CEP128: variants seen among roughly 807,000 people sequenced by gnomAD.
The protein encoded by CEP128 is centrosomal protein 128, also known as centrosomal protein 128kDa.
In CEP128, 132 loss-of-function variants were observed where a neutral mutation model predicts 156.7. The observed-to-expected ratio is 0.84, with a 90% CI of 0.73 to 0.97. The LOEUF (loss-of-function observed/expected upper bound fraction) is 0.97, where lower values mean the gene tolerates loss of function less well. Ranked by LOEUF, CEP128 falls within the 50% of genes least tolerant of loss-of-function variation. CEP128 has a pLI of 0.00. For synonymous variants in CEP128, 469 were observed against 448.9 expected (o/e 1.04, Z -0.57); for missense variants, 1,252 against 1,281.9 (o/e 0.98, Z 0.36).
chr14:80,593,523 G>A (rs1471592077), intron 19 of CEP128, among the ~76,000 whole-genome samples: 1 of 147,772 alleles, frequency 6.8e-6, no homozygotes, highest in African/African-American at 2.5e-5. Flanking sequence ...CTCCAGCCTG[G>A]GTGACAGAGC....
At chr14:80,954,319 T>G (rs1455228091) in intron 2 of CEP128, among the ~76,000 whole-genome samples, 1 of 152,148 alleles carries the variant, frequency 6.6e-6, no homozygotes, top group African/African-American at 2.4e-5. Context: ...TATCAGCAGT[T>G]CATTCATTTT....
intron 15 of CEP128, among the ~76,000 whole-genome samples, chr14:80,780,816 A>G (rs967361743): frequency 6.6e-6 from 1 of 152,224 alleles, no homozygotes; most frequent in African/African-American, 2.4e-5. Context: ...TATGTCTGGA[A>G]CATTATGCTA....
chr14:80,865,675 C>T (rs1461652955), intron 8 of CEP128, among the ~76,000 whole-genome samples: 3 of 152,120 alleles, frequency 2.0e-5, no homozygotes, highest in Non-Finnish European at 4.4e-5. Context: ...TTGCAAAAAA[C>T]TGACTTCCAA....
At chr14:80,496,182 T>C (rs990384075), downstream of CEP128, among the ~76,000 whole-genome samples, 39 of 152,280 alleles carry the variant, frequency 2.6e-4, no homozygotes, top group Admixed American at 2.2e-3. Context: ...TCTCATTTTT[T>C]CCTCCTAGCA....
downstream of CEP128, among the ~76,000 whole-genome samples, chr14:80,496,315 T>C (rs576826572): frequency 3.3e-5 from 5 of 152,314 alleles, no homozygotes; most frequent in South Asian, 1.0e-3. Context: ...ATCTTCATGT[T>C]CTAAAGGAAG....
intron 13 of CEP128, among the ~76,000 whole-genome samples, chr14:80,800,930 T>C (rs1566635579): frequency 6.6e-6 from 1 of 151,878 alleles, no homozygotes; most frequent in Non-Finnish European, 1.5e-5. Context: ...AGAAGAGAAA[T>C]GAAACATGAG....
intron 9 of CEP128, among the ~76,000 whole-genome samples, chr14:80,842,645 G>C (rs550347488): frequency 2.0e-5 from 3 of 151,452 alleles, no homozygotes; most frequent in Admixed American, 2.0e-4. Context: ...TTTTTTTAAG[G>C]GTGTAAGCCT....
chr14:80,891,079 G>C (rs1395685441), intron 8 of CEP128, among the ~76,000 whole-genome samples: 1 of 152,054 alleles, frequency 6.6e-6, no homozygotes, highest in Non-Finnish European at 1.5e-5. Flanking sequence ...GTGGAAAAAA[G>C]AGAACTCTCC....
chr14:80,853,249 C>T (rs2140125195), intron 9 of CEP128, among the ~76,000 whole-genome samples: 1 of 151,726 alleles, frequency 6.6e-6, no homozygotes, highest in South Asian at 2.1e-4. Flanking sequence ...CACAAGAATT[C>T]TTGCTATCTT....
downstream of CEP128, among the ~76,000 whole-genome samples, chr14:80,495,370 T>G (rs908960865): frequency 2.6e-5 from 4 of 152,292 alleles, no homozygotes; most frequent in East Asian, 7.7e-4. Flanking sequence ...GTCCCTGGAT[T>G]TAATTCTATA....
intron 4 of CEP128, among the ~76,000 whole-genome samples, chr14:80,911,810 A>T (rs1884233997): frequency 6.6e-6 from 1 of 152,238 alleles, no homozygotes; most frequent in African/African-American, 2.4e-5. Flanking sequence ...AAATAGAATG[A>T]TGAAATAGAA....
At chr14:80,648,558 T>TG (rs1276288349) in intron 19 of CEP128, among the ~76,000 whole-genome samples, 1 of 152,008 alleles carries the variant, frequency 6.6e-6, no homozygotes, top group Non-Finnish European at 1.5e-5. Flanking sequence ...GAACATAAGA[T>TG]GGGCAGATAA....
intron 13 of CEP128, among the ~76,000 whole-genome samples, chr14:80,799,796 G>C (rs2139879199): frequency 6.6e-6 from 1 of 152,244 alleles, no homozygotes; most frequent in East Asian, 1.9e-4. Flanking sequence ...GGTCAGACTG[G>C]TTCTCTGCTC....
At chr14:80,604,524 C>T (rs533732509) in intron 19 of CEP128, among the ~76,000 whole-genome samples, 1 of 152,182 alleles carries the variant, frequency 6.6e-6, no homozygotes, top group African/African-American at 2.4e-5. Context: ...CATCTCCTAG[C>T]ATTATCTGCA....
intron 2 of CEP128, chr14:80,955,349 G>GGTGGAGGGGCGCCCGGT (rs1886600102): frequency 2.1e-6 from 1 of 475,204 alleles, no homozygotes; most frequent in African/African-American, 1.9e-5. Flanking sequence ...GGGCGCCCGG[G>GGTGGAGGGGCGCCCGGT]GTGGGGGGGC....
intron 8 of CEP128, among the ~76,000 whole-genome samples, chr14:80,866,980 A>G (rs1257295706): frequency 3.3e-5 from 5 of 152,242 alleles, no homozygotes; most frequent in African/African-American, 9.6e-5. Flanking sequence ...ATAATTTCAC[A>G]GACAGTAAAT....
intron 19 of CEP128, among the ~76,000 whole-genome samples, chr14:80,621,230 CTTAG>C (rs1418469615): frequency 2.6e-5 from 4 of 152,026 alleles, no homozygotes; most frequent in African/African-American, 4.8e-5. Context: ...GTAAGAAAAG[CTTAG>C]TTAGTTGGAA....
chr14:80,555,884 A>G (rs543992997), intron 21 of CEP128, among the ~76,000 whole-genome samples: 5 of 151,988 alleles, frequency 3.3e-5, no homozygotes, highest in Admixed American at 3.3e-4. Flanking sequence ...TATCTTTTTC[A>G]TTCATGGACT....
At chr14:80,901,988 G>T (rs1175952871) in intron 6 of CEP128, among the ~76,000 whole-genome samples, 1 of 151,974 alleles carries the variant, frequency 6.6e-6, no homozygotes, top group Non-Finnish European at 1.5e-5. Context: ...TTGCTCATAG[G>T]GGCTATCTTC....
Sources: gnomAD v4.1 joint callset for allele counts (sites outside exome capture counted in the v4.1 genomes callset) on GRCh38, gnomAD v4.1.1 for gene constraint, MANE v1.5 for transcripts, NCBI Gene and HGNC (gene_info 2026-07-23, HGNC 2026-07-21) for gene names.